The following DSG1 variants were observed in gnomAD, a reference collection of about 807,000 sequenced individuals.
The protein encoded by DSG1 is desmoglein-1.
A neutral mutation model predicts 97.5 loss-of-function variants in DSG1; 39 were observed. That is an observed-to-expected ratio of 0.40 (90% CI 0.31 to 0.52). The LOEUF (loss-of-function observed/expected upper bound fraction) is 0.52. Ranked by LOEUF, DSG1 falls within the 20% of genes least tolerant of loss-of-function variation. The probability of loss-of-function intolerance (pLI) is 0.53; values close to 1 mark genes in which losing one functional copy is unlikely to be tolerated. For missense variants in DSG1, 1,311 were observed against 1,295.4 expected, an observed-to-expected ratio of 1.01 and a Z score of -0.18; for synonymous variants, 475 against 443.4, an observed-to-expected ratio of 1.07 and a Z score of -0.90.
At chr18:31,323,665 C>T (rs1179522874) in intron 1 of DSG1, among the ~76,000 whole-genome samples, 2 of 152,134 alleles carry the variant, frequency 1.3e-5, no homozygotes, top group African/African-American at 4.8e-5. Context: ...CTATCTTGTC[C>T]CTCTGTTCCC....
chr18:31,334,326 T>A, intron 8 of DSG1, 124 bp downstream of exon 8: 1 of 628,900 alleles, frequency 1.6e-6, no homozygotes, highest in East Asian at 2.9e-5. Context: ...TTACTGTGTT[T>A]TAAATATATA....
intron 3 of DSG1, 51 bp from the exon 4 acceptor site, chr18:31,328,138 A>G: frequency 1.2e-6 from 2 of 1,602,472 alleles, no homozygotes; most frequent in Non-Finnish European, 1.7e-6. Flanking sequence ...TATATCAAAT[A>G]TAGAACTCTA....
chr18:31,346,005 A>T lies in DSG1; in HGVS notation c.1907A>T (p.Glu636Val). ...CIDNSGVYTN[E>V]YGGREMQDLG... The stretch of plus-strand genomic sequence containing the variant: ...ACACTTTTAGGAGTTTATACAAATG[A>T]GTATGGTGGCAGAGAAATGCAAGAT... The change falls in exon 14 of 15, where the codon GAG becomes GTG. Residue 636 changes from glutamate (E) to valine (V), a missense_variant. Glu to Val is a moderately radical substitution (Grantham distance 121). Transcript: ENST00000257192. The T allele has an allele frequency of 6.2e-7, 1 of 1,613,672 alleles. No homozygotes were observed. The highest frequency in any genetic ancestry group is 8.5e-7 in the Non-Finnish European group (1 of 1,179,654).
At chr18:31,354,227 G>T in intron 14 of DSG1, 70 bp from the exon 15 acceptor site, 2 of 1,381,470 alleles carry the variant, frequency 1.4e-6, no homozygotes. Context: ...AAAAACTAAT[G>T]ATAAAGGCTG....
At position 31,333,848 on chromosome 18, in the gene DSG1, T is replaced by C. The variant is rs2007149; in HGVS notation, c.819+125T>C. Reference sequence around the variant, plus strand: ...ATACAACCCAAATGTAGACACATACTTTTTTCTTGTGTTTATGCAAGAATA... The same window carrying C: ...ATACAACCCAAATGTAGACACATACCTTTTTCTTGTGTTTATGCAAGAATA... On this transcript the variant is annotated intron_variant, in intron 7 of 14. Coordinates refer to ENST00000257192, the MANE Select transcript of DSG1 (RefSeq NM_001942.4). The C allele has an allele frequency of 0.45, 561,178 of 1,240,464 alleles. 134,837 individuals are homozygous for C. Among genetic ancestry groups the C allele is most frequent in the South Asian group, 0.49 (39,674 of 81,200 alleles). The allele number at this position is 1,240,464 out of a possible 1,614,324, so 76.8% of individuals were successfully genotyped here. A position where few individuals can be genotyped will look rare whatever the true frequency, so the allele number is the denominator to read the frequency against.
Position 31,356,008 on chromosome 18 carries a change from C to T in DSG1, c.*662C>T, listed in dbSNP as rs1255202621. ...TAAACTAGCAATGCCTGAGCCTGAA[C>T]CTTAATGTGGGGCCTCAGTTAAATC... On this transcript the variant is annotated 3_prime_UTR_variant, in exon 15 of 15. Transcript: ENST00000257192. 1 of 152,806 alleles carries T rather than the reference C, an allele frequency of 6.5e-6. No homozygotes were observed. Among genetic ancestry groups the T allele is most frequent in the Non-Finnish European group, 1.5e-5 (1 of 68,574 alleles). The allele number at this position is 152,806 out of a possible 1,614,324, so 9.5% of individuals were successfully genotyped here.
At chr18:31,335,299 C>G (rs1316698680) in intron 8 of DSG1, among the ~76,000 whole-genome samples, 1 of 152,254 alleles carries the variant, frequency 6.6e-6, no homozygotes, top group East Asian at 1.9e-4. Flanking sequence ...ACATTTAAAC[C>G]TAGTTTTCTC....
intron 8 of DSG1, 127 bp downstream of exon 8, chr18:31,334,329 A>AATAT: frequency 1.7e-6 from 1 of 605,212 alleles, no homozygotes; most frequent in Non-Finnish European, 2.9e-6. Flanking sequence ...CTGTGTTTTA[A>AATAT]ATATATATAT....
At chr18:31,328,150 T>G in intron 3 of DSG1, 39 bp from the exon 4 acceptor site, 1 of 1,610,336 alleles carries the variant, frequency 6.2e-7, no homozygotes, top group Non-Finnish European at 8.5e-7. Flanking sequence ...AGAACTCTAT[T>G]TGCTCCCTCT....
At chr18:31,345,965 A>T (rs766638529) in intron 13 of DSG1, 25 bp from the exon 14 acceptor site, 7 of 1,595,298 alleles carry the variant, frequency 4.4e-6, no homozygotes, top group Non-Finnish European at 6.0e-6. Context: ...AAAGAAAATA[A>T]ATTTAATTTG....
Position 31,339,921 on chromosome 18 carries a change from A to T in DSG1, c.1583A>T (p.Tyr528Phe), listed in dbSNP as rs16961689. 1.9e-6 allele frequency: 3 copies of T among 1,613,984 alleles called. No individual in the cohort carries two copies. The East Asian group carries it at 6.7e-5, about 36-fold the overall frequency. Residue 528 changes from tyrosine (Y) to phenylalanine (F), a missense_variant, in exon 11 of 15, where the codon TAT (tyrosine) becomes TTT (phenylalanine). Coordinates refer to ENST00000257192, the MANE Select transcript of DSG1 (RefSeq NM_001942.4). ...STTSTDSSQV[Y>F]SSEPGNGAKD... ...ACTTCTACTGACTCTAGCCAAGTAT[A>T]TTCTTCTGAACCCGGAAACGGAGCC...
Position 31,339,825 on chromosome 18 carries a change from C to A in DSG1, c.1487C>A (p.Pro496Gln). The A allele has an allele frequency of 1.2e-6, 2 of 1,613,480 alleles. No individual in the cohort carries two copies. The highest frequency in any genetic ancestry group is 1.7e-6 in the Non-Finnish European group (2 of 1,179,520). Residue 496 changes from proline to glutamine, a missense_variant, in exon 11 of 15, where the codon CCG (proline) becomes CAG (glutamine). By Grantham distance (76) the Pro-to-Gln change is moderately conservative. This residue lies in a region of DSG1 where 1,038 missense variants were observed against 964.6 expected (regional missense o/e 1.08). Coordinates refer to ENST00000257192, the MANE Select transcript of DSG1 (RefSeq NM_001942.4). ...FGNDDRTNTE[P>Q]NTKITTNTGR... ...AATGACGACAGGACTAATACAGAGC[C>A]GAACACTAAAATTACTACCAATACT...
intron 1 of DSG1, among the ~76,000 whole-genome samples, 185 bp downstream of exon 1, chr18:31,318,533 C>T (rs1027901585): frequency 3.9e-5 from 6 of 152,118 alleles, no homozygotes; most frequent in African/African-American, 1.4e-4. Flanking sequence ...GACTCAAGAT[C>T]ATGTTAATGC....
At chr18:31,321,463 A>C (rs1231952153) in intron 1 of DSG1, among the ~76,000 whole-genome samples, 1 of 152,162 alleles carries the variant, frequency 6.6e-6, no homozygotes, top group Non-Finnish European at 1.5e-5. Flanking sequence ...AAATGGAAGG[A>C]ATATTTCTGT....
intron 12 of DSG1, 32 bp downstream of exon 12, chr18:31,343,615 G>A: frequency 6.2e-7 from 1 of 1,614,086 alleles, no homozygotes; most frequent in South Asian, 1.1e-5. Flanking sequence ...ATAGCCGTTG[G>A]TAGTCACTGA....
In DSG1 at chr18:31,356,380, A is replaced by C. The variant is rs1402481230; in HGVS notation, c.*1034A>C. ...GATTTACATAGGCCGAGCTGTGGAC[A>C]AAAAAAAAAGAAGCAGCAGCTTGTA... On this transcript the variant is annotated 3_prime_UTR_variant, in exon 15 of 15. Transcript: ENST00000257192. 2.7e-5 allele frequency: 4 copies of C among 148,484 alleles called. No homozygotes were observed. The highest frequency in any genetic ancestry group is 4.9e-5 in the African/African-American group (2 of 40,574). The allele number at this position is 148,484 out of a possible 1,614,324, so 9.2% of individuals were successfully genotyped here.
chr18:31,355,717 C>G lies in DSG1; in HGVS notation c.*371C>G, dbSNP rs1176996370. On this transcript the variant is annotated 3_prime_UTR_variant, in exon 15 of 15. Transcript: ENST00000257192. ...CAAAATTCAAAAAGAACTAAATATG[C>G]AATATATGTTCATATCTATGGGAAA... The G allele has an allele frequency of 3.9e-6, 1 of 259,262 alleles. No homozygotes were observed. Among genetic ancestry groups the G allele is most frequent in the African/African-American group, 2.2e-5 (1 of 45,372 alleles). 16.1% of individuals were successfully genotyped at this position (259,262 alleles called of 1,614,324 possible).
intron 8 of DSG1, among the ~76,000 whole-genome samples, chr18:31,334,866 A>G (rs1447626157): frequency 2.6e-5 from 4 of 152,048 alleles, no homozygotes; most frequent in Non-Finnish European, 5.9e-5. Context: ...GAGAAAAAAA[A>G]TTTGCCTCCT....
chr18:31,354,591 A>G lies in DSG1; in HGVS notation c.2395A>G (p.Ile799Val), dbSNP rs1463346837. 2 of 1,614,078 alleles carry G rather than the reference A, an allele frequency of 1.2e-6. No homozygotes were observed. Among genetic ancestry groups the G allele is most frequent in the South Asian group, 1.1e-5 (1 of 91,074 alleles). Residue 799 changes from isoleucine to valine, a missense_variant, in exon 15 of 15, where the codon ATC (isoleucine) becomes GTC (valine). Physicochemically the swap from Ile to Val is conservative, Grantham distance 29. Coordinates refer to ENST00000257192, the MANE Select transcript of DSG1 (RefSeq NM_001942.4). ...TEPVVSGHPP[I>V]SPHFGTTTVI... ...GCCCGTTGTTAGTGGACACCCACCA[A>G]TCTCCCCACATTTCGGCACTACCAC...
Sources: gnomAD v4.1 joint callset for allele counts (sites outside exome capture counted in the v4.1 genomes callset) on GRCh38, gnomAD v4.1.1 for gene constraint, gnomAD v4.1.1 regional missense constraint, MANE v1.5 for transcripts, NCBI Gene and HGNC (gene_info 2026-07-23, HGNC 2026-07-21) for gene names.